Variants in TRIM67 observed in about 807,000 individuals in gnomAD.
TRIM67 encodes tripartite motif-containing protein 67.
In TRIM67, 39 loss-of-function variants were observed where a neutral mutation model predicts 71.0. That is an observed-to-expected ratio of 0.55 (90% CI 0.43 to 0.72). The LOEUF (loss-of-function observed/expected upper bound fraction) is 0.72, where lower values mean the gene tolerates loss of function less well. Among genes scored for constraint, TRIM67 ranks in the 30% least tolerant of loss-of-function variants. TRIM67 has a pLI of 0.00. For missense variants in TRIM67, 973 were observed against 1,079.2 expected (o/e 0.90, Z 1.38); for synonymous variants, 481 against 473.9 (o/e 1.01, Z -0.19).
rs939208638 is a variant in TRIM67, at chr1:231,219,096, G to T, written c.*3656G>T. On this transcript the variant is annotated 3_prime_UTR_variant, in exon 10 of 10. Coordinates refer to ENST00000366653, the MANE Select transcript of TRIM67 (RefSeq NM_001004342.5). Reference sequence around the variant, plus strand: ...CCCATGGCCACCTGCTGGCTTTGAGGTAGTGAGGGAGGGTCAATCCTTAGG... The same window carrying T: ...CCCATGGCCACCTGCTGGCTTTGAGTTAGTGAGGGAGGGTCAATCCTTAGG... 3.6e-5 allele frequency: 35 copies of T among 985,432 alleles called. No individual in the cohort carries two copies. Among genetic ancestry groups the T allele is most frequent in the Non-Finnish European group, 3.9e-5 (32 of 830,038 alleles). 61.0% of individuals were successfully genotyped at this position (985,432 alleles called of 1,614,324 possible). A position where few individuals can be genotyped will look rare whatever the true frequency, so the allele number is the denominator to read the frequency against.
At position 231,206,736 on chromosome 1, in the gene TRIM67, A is replaced by T. The variant is rs759238685; in HGVS notation, c.1765A>T (p.Asn589Tyr). ...STYNARVKAF[N>Y]SSGVGPYSKT... is the part of the protein sequence containing the mutation. ...CTACAACGCCCGAGTCAAAGCTTTC[A>T]ACTCTTCTGGTGTCGGGCCTTACAG... is the stretch of plus-strand genomic sequence containing the variant. The change falls in exon 7 of 10, where the codon AAC becomes TAC. Residue 589 changes from asparagine to tyrosine, a missense_variant. Asn to Tyr is a moderately radical substitution (Grantham distance 143, BLOSUM62 -2). This residue lies in a region of TRIM67 where 795 missense variants were observed against 831.3 expected (regional missense o/e 0.96). Coordinates refer to ENST00000366653, the MANE Select transcript of TRIM67 (RefSeq NM_001004342.5). 4 of 1,611,328 alleles carry T rather than the reference A, an allele frequency of 2.5e-6. No homozygotes were observed. In the African/African-American group the frequency reaches 5.3e-5, roughly 22 times the overall value.
intron 1 of TRIM67, among the ~76,000 whole-genome samples, chr1:231,174,124 T>G (rs1012572764): frequency 4.0e-5 from 6 of 151,486 alleles, no homozygotes; most frequent in African/African-American, 1.5e-4. Context: ...TCTTGGATGA[T>G]CTCTTCTTTT....
intron 1 of TRIM67, chr1:231,184,456 T>C (rs1225254893): frequency 6.5e-6 from 1 of 154,306 alleles, no homozygotes; most frequent in East Asian, 1.9e-4. Context: ...GAACCTGCAG[T>C]AGGCAAATGG....
intron 2 of TRIM67, among the ~76,000 whole-genome samples, chr1:231,198,306 T>G (rs1330305206): frequency 2.0e-5 from 3 of 152,082 alleles, no homozygotes; most frequent in African/African-American, 4.8e-5. Context: ...CACACACAGG[T>G]GCTCCTGTGT....
At chr1:231,174,454 C>T (rs923266391) in intron 1 of TRIM67, among the ~76,000 whole-genome samples, 1 of 152,088 alleles carries the variant, frequency 6.6e-6, no homozygotes, top group African/African-American at 2.4e-5. Context: ...GCATAAGCCA[C>T]CATGTCCAGC....
chr1:231,218,287 T>C lies in TRIM67; in HGVS notation c.*2847T>C, dbSNP rs1443341055. 3 of 986,950 alleles carry C rather than the reference T, an allele frequency of 3.0e-6. No homozygotes were observed. Among genetic ancestry groups the C allele is most frequent in the South Asian group, 4.7e-5 (1 of 21,430 alleles). 61.1% of individuals were successfully genotyped at this position (986,950 alleles called of 1,614,324 possible). ...CACATTTGTACATACATATAAATGA[T>C]ATCAAGATGAGGCTTTTGTTGGGCT... On this transcript the variant is annotated 3_prime_UTR_variant, in exon 10 of 10. Transcript: ENST00000366653.
At chr1:231,183,623 A>G (rs1682970041) in intron 1 of TRIM67, among the ~76,000 whole-genome samples, 1 of 152,012 alleles carries the variant, frequency 6.6e-6, no homozygotes, top group African/African-American at 2.4e-5. Context: ...CCTCCCTCCC[A>G]ACAAAAAGCA....
intron 1 of TRIM67, among the ~76,000 whole-genome samples, chr1:231,164,969 G>C (rs544737598): frequency 2.6e-5 from 4 of 151,876 alleles, no homozygotes; most frequent in Non-Finnish European, 5.9e-5. Context: ...AACACTTTAG[G>C]AATCCACCTT....
Position 231,201,454 on chromosome 1 carries a change from T to A in TRIM67, c.1471T>A (p.Leu491Met). 6.2e-7 allele frequency: 1 copy of A among 1,613,814 alleles called. No homozygotes were observed. Among genetic ancestry groups the A allele is most frequent in the East Asian group, 2.2e-5 (1 of 44,886 alleles). The change falls in exon 5 of 10, where the codon TTG becomes ATG. Residue 491 changes from leucine (L) to methionine (M), a missense_variant. This residue lies in a region of TRIM67 where 795 missense variants were observed against 831.3 expected (regional missense o/e 0.96). Coordinates refer to ENST00000366653, the MANE Select transcript of TRIM67 (RefSeq NM_001004342.5). ...PKVSAEFDLT[L>M]DSEPLLQAIH... ...AGTGTCTGCGGAGTTTGATCTGACT[T>A]TGGACAGCGAGCCGCTGCTGCAGGC...
intron 1 of TRIM67, among the ~76,000 whole-genome samples, chr1:231,168,459 C>A (rs867923357): frequency 6.6e-6 from 1 of 152,194 alleles, no homozygotes; most frequent in Admixed American, 6.5e-5. Context: ...TATGGAATTG[C>A]TATGTCAAAG....
chr1:231,178,427 G>T (rs1275125990), intron 1 of TRIM67, among the ~76,000 whole-genome samples: 1 of 152,206 alleles, frequency 6.6e-6, no homozygotes, highest in East Asian at 1.9e-4. Context: ...CACCACATGT[G>T]CGTGTTCAAT....
At position 231,213,935 on chromosome 1, in the gene TRIM67, C is replaced by T. The variant is rs762247535; in HGVS notation, c.2244C>T (p.Asp748=). The change falls in exon 9 of 10, where the codon GAC becomes GAT. Residue 748 remains aspartate (D), a synonymous_variant. Coordinates refer to ENST00000366653, the MANE Select transcript of TRIM67 (RefSeq NM_001004342.5). ...GCCCCACAGCCTTCAGCCACGTGGA[C>T]GGGGTCTTCATGCCAGCCCTCAGCC... ...QQGPTAFSHV[D]GVFMPALSLN... is the part of the protein sequence containing the mutation. The T allele has an allele frequency of 4.3e-6, 7 of 1,613,362 alleles. No homozygotes were observed. Among genetic ancestry groups the T allele is most frequent in the South Asian group, 1.1e-5 (1 of 91,048 alleles).
At position 231,163,760 on chromosome 1, in the gene TRIM67, C is replaced by G. The variant is rs571789308; in HGVS notation, c.791C>G (p.Ala264Gly). Reference protein sequence around the residue: ...PPPPPPPAEAASGPTGTAQGA... With the variant: ...PPPPPPPAEAGSGPTGTAQGA... ...CCGCCGCCGCCGCCCGCCGAGGCAG[C>G]CTCCGGGCCCACTGGCACCGCCCAG... Residue 264 changes from alanine to glycine, a missense_variant, in exon 1 of 10, where the codon GCC becomes GGC. Ala to Gly is a moderately conservative substitution (Grantham distance 60). This residue lies in a region of TRIM67 where 795 missense variants were observed against 831.3 expected (regional missense o/e 0.96). Coordinates refer to ENST00000366653, the MANE Select transcript of TRIM67 (RefSeq NM_001004342.5). 340 of 1,490,224 alleles carry G rather than the reference C, an allele frequency of 2.3e-4. No homozygotes were observed. Among genetic ancestry groups the G allele is most frequent in the Non-Finnish European group, 3.0e-4 (332 of 1,119,906 alleles). The allele number at this position is 1,490,224 out of a possible 1,614,324, so 92.3% of individuals were successfully genotyped here. A position where few individuals can be genotyped will look rare whatever the true frequency, so the allele number is the denominator to read the frequency against.
chr1:231,215,484 A>T lies in TRIM67; in HGVS notation c.*44A>T. 6.5e-7 allele frequency: 1 copy of T among 1,546,974 alleles called. No individual in the cohort carries two copies. The highest frequency in any genetic ancestry group is 1.9e-5 in the Admixed American group (1 of 52,396). Reference sequence around the variant, plus strand: ...CTGTGCCTGTGACAGTGACATTCACAGGCAAAACGCCCACCATTCTCACTA... The same window carrying T: ...CTGTGCCTGTGACAGTGACATTCACTGGCAAAACGCCCACCATTCTCACTA... On this transcript the variant is annotated 3_prime_UTR_variant, in exon 10 of 10. Coordinates refer to ENST00000366653, the MANE Select transcript of TRIM67 (RefSeq NM_001004342.5).
At position 231,206,779 on chromosome 1, in the gene TRIM67, A is replaced by G. The variant is rs747459221; in HGVS notation, c.1808A>G (p.Gln603Arg). ...CCTTACAGTAAAACTGTCGTCCTGC[A>G]GACATCCGATGGTGAGCATCGGGAT... ...VGPYSKTVVL[Q>R]TSDVAWFTFD... Residue 603 changes from glutamine (Q) to arginine (R), a missense_variant, in exon 7 of 10, where the codon CAG (glutamine) becomes CGG (arginine). By Grantham distance (43) the Gln-to-Arg change is conservative (BLOSUM62 1). This residue lies in a region of TRIM67 where 795 missense variants were observed against 831.3 expected (regional missense o/e 0.96). Transcript: ENST00000366653. The G allele has an allele frequency of 2.0e-5, 32 of 1,602,016 alleles. No individual in the cohort carries two copies. The Admixed American group carries it at 5.4e-4, about 27-fold the overall frequency.
chr1:231,206,374 G>T (rs1199862010), intron 6 of TRIM67, among the ~76,000 whole-genome samples: 1 of 152,000 alleles, frequency 6.6e-6, no homozygotes, highest in Non-Finnish European at 1.5e-5. Context: ...TCGGGAGGCG[G>T]AGGTTTTGGT....
intron 1 of TRIM67, among the ~76,000 whole-genome samples, chr1:231,181,895 T>C (rs1682916812): frequency 6.6e-6 from 1 of 152,222 alleles, no homozygotes; most frequent in Non-Finnish European, 1.5e-5. Context: ...CTATTTCTTC[T>C]GCTATAATTC....
chr1:231,215,356 G>T lies in TRIM67; in HGVS notation c.2287-19G>T. ...GCGGCAGCCTCTCCCACCCTCACTT[G>T]CCCTGTCTTCTTTTCCAGGTCACCC... On this transcript the variant is annotated intron_variant, in intron 9 of 9. Coordinates refer to ENST00000366653, the MANE Select transcript of TRIM67 (RefSeq NM_001004342.5). 6.2e-7 allele frequency: 1 copy of T among 1,611,162 alleles called. No individual in the cohort carries two copies. Among genetic ancestry groups the T allele is most frequent in the Non-Finnish European group, 8.5e-7 (1 of 1,178,352 alleles).
At chr1:231,210,681 C>G (rs1436001310) in intron 8 of TRIM67, among the ~76,000 whole-genome samples, 1 of 151,720 alleles carries the variant, frequency 6.6e-6, no homozygotes, top group Non-Finnish European at 1.5e-5. Flanking sequence ...AGGAAGCACT[C>G]GATGTATCTG....
Sources: gnomAD v4.1 joint callset for allele counts (sites outside exome capture counted in the v4.1 genomes callset) on GRCh38, gnomAD v4.1.1 for gene constraint, gnomAD v4.1.1 regional missense constraint, MANE v1.5 for transcripts, NCBI Gene and HGNC (gene_info 2026-07-23, HGNC 2026-07-21) for gene names.